Variants in SNX24 observed in about 807,000 individuals in gnomAD.
SNX24 encodes sorting nexin-24.
A neutral mutation model predicts 28.7 loss-of-function variants in SNX24; 22 were observed. The observed-to-expected ratio is 0.77, with a 90% CI of 0.55 to 1.10. The LOEUF is 1.10. Ranked by LOEUF, SNX24 falls within the 50% of genes least tolerant of loss-of-function variation. SNX24 has a pLI of 0.00. For synonymous variants in SNX24, 69 were observed against 71.5 expected (o/e 0.96, Z 0.18); for missense variants, 221 against 201.1 (o/e 1.10, Z -0.60).
intron 1 of SNX24, among the ~76,000 whole-genome samples, chr5:122,885,841 G>T (rs1019946537): frequency 1.3e-5 from 2 of 152,136 alleles, no homozygotes; most frequent in East Asian, 3.9e-4. Context: ...GTCGGGGGAG[G>T]GGGGATGAGA....
chr5:122,932,315 A>T (rs898442571), intron 1 of SNX24, among the ~76,000 whole-genome samples: 3 of 152,220 alleles, frequency 2.0e-5, no homozygotes, highest in African/African-American at 7.2e-5. Flanking sequence ...AACTCTGAGG[A>T]AAGATGTCTC....
chr5:122,971,716 G>A (rs1760965717), intron 3 of SNX24, among the ~76,000 whole-genome samples: 1 of 152,162 alleles, frequency 6.6e-6, no homozygotes, highest in African/African-American at 2.4e-5. Context: ...GTGTATACTT[G>A]CACAAACATG....
chr5:122,938,658 A>AATACAAATAACGAT lies in SNX24; in HGVS notation c.144+1841_144+1842insATACAAATAACGAT, dbSNP rs1759287851. The stretch of plus-strand genomic sequence containing the variant: ...AAAAGGTAACTTTAAAAGGCAATGA[A>AATACAAATAACGAT]GGCCGGGCGCGGTGGCTCACGCCTG... On this transcript the variant is annotated intron_variant, in intron 2 of 6. Transcript: ENST00000261369. 1.9e-3 allele frequency among the ~76,000 whole-genome samples: 104 copies of AATACAAATAACGAT among 53,838 alleles called. 18 individuals are homozygous for AATACAAATAACGAT. Among genetic ancestry groups the AATACAAATAACGAT allele is most frequent in the African/African-American group, 5.4e-3 (40 of 7,400 alleles). 35.3% of individuals were successfully genotyped at this position (53,838 alleles called of 152,430 possible).
chr5:122,972,148 A>G (rs1760985774), intron 3 of SNX24, among the ~76,000 whole-genome samples: 1 of 152,206 alleles, frequency 6.6e-6, no homozygotes, highest in Admixed American at 6.5e-5. Flanking sequence ...ACTTAGAGGT[A>G]GGAAGAGCTC....
intron 1 of SNX24, 135 bp from the exon 2 acceptor site, chr5:122,936,599 T>C (rs1581770651): frequency 2.0e-6 from 1 of 499,122 alleles, no homozygotes; most frequent in Non-Finnish European, 3.6e-6. Flanking sequence ...GGCCAGGGTG[T>C]CCTGAGCCTT....
At chr5:122,935,931 T>C (rs1023418108) in intron 1 of SNX24, among the ~76,000 whole-genome samples, 9 of 152,208 alleles carry the variant, frequency 5.9e-5, no homozygotes, top group African/African-American at 1.9e-4. Flanking sequence ...ATACAAACTT[T>C]TGGAATGACA....
rs183222037 is a variant in SNX24, at chr5:122,871,347, C to A, written c.60+25654C>A. 1.2e-3 allele frequency among the ~76,000 whole-genome samples: 178 copies of A among 152,192 alleles called. 2 individuals carry two copies. The highest frequency in any genetic ancestry group is 4.2e-3 in the African/African-American group (176 of 41,504). ...TAGCTTCCCTGTTGTGGAAAAGATG[C>A]CCTGTAGAGTGTATATTTAGCATAA... On this transcript the variant is annotated intron_variant, in intron 1 of 6. Coordinates refer to ENST00000261369, the MANE Select transcript of SNX24 (RefSeq NM_014035.4).
chr5:122,849,425 G>C (rs1162322483), intron 1 of SNX24, among the ~76,000 whole-genome samples: 1 of 152,144 alleles, frequency 6.6e-6, no homozygotes, highest in African/African-American at 2.4e-5. Flanking sequence ...AGGGGCCTGA[G>C]GGAGGGAGAG....
intron 3 of SNX24, among the ~76,000 whole-genome samples, chr5:122,964,247 C>CA (rs34174497): frequency 0.21 from 7,399 of 35,934 alleles, 783 homozygotes; most frequent in East Asian, 0.33. Flanking sequence ...GACTCCATCT[C>CA]AAAAAAAAAA....
At chr5:122,917,943 G>A (rs1358097089) in intron 1 of SNX24, among the ~76,000 whole-genome samples, 2 of 152,140 alleles carry the variant, frequency 1.3e-5, no homozygotes, top group Non-Finnish European at 2.9e-5. Flanking sequence ...AGCCGGGCAT[G>A]GTGGTGGGCG....
chr5:122,918,726 A>G (rs1362552583), intron 1 of SNX24, among the ~76,000 whole-genome samples: 1 of 152,172 alleles, frequency 6.6e-6, no homozygotes, highest in Non-Finnish European at 1.5e-5. Context: ...GGAAAGAACA[A>G]AAAAAGAGAT....
intron 1 of SNX24, among the ~76,000 whole-genome samples, chr5:122,924,749 T>C (rs1758604546): frequency 6.6e-6 from 1 of 152,216 alleles, no homozygotes; most frequent in Admixed American, 6.5e-5. Flanking sequence ...GTAGGCGTTA[T>C]CATCTCTGTT....
chr5:122,968,814 C>T (rs184204240), intron 3 of SNX24, among the ~76,000 whole-genome samples: 6 of 151,684 alleles, frequency 4.0e-5, no homozygotes, highest in South Asian at 2.1e-4. Flanking sequence ...GTAATAGATA[C>T]AATAAAATAA....
intron 3 of SNX24, among the ~76,000 whole-genome samples, chr5:122,955,444 A>G (rs1760162126): frequency 6.6e-6 from 1 of 152,208 alleles, no homozygotes; most frequent in Non-Finnish European, 1.5e-5. Context: ...TCTTGGTACA[A>G]TGGATAATTC....
At chr5:122,865,545 G>C (rs1028141097) in intron 1 of SNX24, among the ~76,000 whole-genome samples, 4 of 152,156 alleles carry the variant, frequency 2.6e-5, no homozygotes, top group African/African-American at 9.7e-5. Flanking sequence ...CATCATGTTG[G>C]CCAGGCTGGT....
At chr5:122,853,700 C>CTGG in intron 1 of SNX24, 1 of 412,638 alleles carries the variant, frequency 2.4e-6, no homozygotes, top group South Asian at 1.8e-5. Flanking sequence ...GTTGCCCAGG[C>CTGG]AGGCCCTGAA....
intron 1 of SNX24, among the ~76,000 whole-genome samples, chr5:122,870,810 G>C (rs1755939669): frequency 6.6e-6 from 1 of 152,220 alleles, no homozygotes; most frequent in African/African-American, 2.4e-5. Flanking sequence ...GGAGAAGGCA[G>C]GGAGTTTGAG....
chr5:122,976,278 T>TA (rs1761159419), intron 3 of SNX24, among the ~76,000 whole-genome samples: 1 of 141,098 alleles, frequency 7.1e-6, no homozygotes, highest in Non-Finnish European at 1.5e-5. Context: ...GGAAATCTTG[T>TA]AATCACTCAG....
intron 1 of SNX24, among the ~76,000 whole-genome samples, chr5:122,903,461 C>T (rs558368195): frequency 6.6e-6 from 1 of 152,300 alleles, no homozygotes; most frequent in East Asian, 1.9e-4. Context: ...TCTATACCAA[C>T]TTTTGCACTG....
Sources: gnomAD v4.1 joint callset for allele counts (sites outside exome capture counted in the v4.1 genomes callset) on GRCh38, gnomAD v4.1.1 for gene constraint, MANE v1.5 for transcripts, NCBI Gene and HGNC (gene_info 2026-07-23, HGNC 2026-07-21) for gene names.